CORO2B: variants seen among roughly 807,000 people sequenced by gnomAD.
CORO2B encodes coronin-2B.
In CORO2B, 26 loss-of-function variants were observed where a neutral mutation model predicts 58.8. The ratio of observed to expected loss-of-function variants is 0.44; its 90% confidence interval spans 0.32 to 0.61. The LOEUF (loss-of-function observed/expected upper bound fraction) is 0.61, where lower values mean the gene tolerates loss of function less well. CORO2B is among the 20% of genes least tolerant of loss of function. The probability of loss-of-function intolerance (pLI) is 0.04; values close to 1 mark genes in which losing one functional copy is unlikely to be tolerated. For synonymous variants in CORO2B, 242 were observed against 253.8 expected (o/e 0.95, Z 0.44); for missense variants, 460 against 645.1 (o/e 0.71, Z 3.11).
intron 1 of CORO2B, among the ~76,000 whole-genome samples, chr15:68,608,551 C>T (rs1900178542): frequency 6.6e-6 from 1 of 152,156 alleles, no homozygotes. Flanking sequence ...TGTTGGGGGA[C>T]ATTCTGTTTT....
chr15:68,702,169 G>A (rs77751090), intron 3 of CORO2B, among the ~76,000 whole-genome samples: 4,093 of 152,210 alleles, frequency 0.027, 191 homozygotes, highest in African/African-American at 0.094. Flanking sequence ...GAGGAGGAGG[G>A]TAGTCTGCCT....
rs137946864 is a variant in CORO2B at position 68,634,605 on chromosome 15, G to A, written c.16-10555G>A. Among the ~76,000 whole-genome samples the A allele has an allele frequency of 4.5e-3, 688 of 152,234 alleles. 23 individuals carry two copies. The highest frequency in any genetic ancestry group is 0.039 in the Admixed American group (590 of 15,286). ...CACTCAGGGACCAAAGTCTGGTTCC[G>A]GGACCAATAGCTTCAGCATCACCTG... is the stretch of plus-strand genomic sequence containing the variant. On this transcript the variant is annotated intron_variant, in intron 1 of 11. Coordinates refer to ENST00000261861, the MANE Select transcript of CORO2B (RefSeq NM_006091.5).
intron 1 of CORO2B, among the ~76,000 whole-genome samples, chr15:68,628,185 G>A (rs943781093): frequency 6.6e-6 from 1 of 152,232 alleles, no homozygotes; most frequent in East Asian, 1.9e-4. Context: ...TGCCTTCTAC[G>A]TGCCAAGCAC....
At chr15:68,662,440 A>G (rs571081064) in intron 2 of CORO2B, among the ~76,000 whole-genome samples, 1 of 152,336 alleles carries the variant, frequency 6.6e-6, no homozygotes, top group African/African-American at 2.4e-5. Flanking sequence ...TTTTTTTACA[A>G]TAGTCCTTAA....
chr15:68,712,646 A>G (rs1360018410), intron 5 of CORO2B, among the ~76,000 whole-genome samples: 1 of 152,170 alleles, frequency 6.6e-6, no homozygotes, highest in Non-Finnish European at 1.5e-5. Context: ...GCTTAGCATG[A>G]TTAGTGTTAA....
At chr15:68,719,579 C>A in intron 11 of CORO2B, 27 bp downstream of exon 11, 1 of 1,602,774 alleles carries the variant, frequency 6.2e-7, no homozygotes, top group Non-Finnish European at 8.5e-7. Context: ...ATTACCTCCA[C>A]AGGCCCTGGA....
the CORO2B span, among the ~76,000 whole-genome samples, chr15:68,550,675 G>A: frequency 1.3e-5 from 2 of 152,214 alleles, no homozygotes; most frequent in Non-Finnish European, 2.9e-5. Context: ...TACCCAGAAT[G>A]TCCAGCAGGT....
At chr15:68,666,938 C>T (rs1040922024) in intron 2 of CORO2B, among the ~76,000 whole-genome samples, 6 of 152,086 alleles carry the variant, frequency 3.9e-5, no homozygotes, top group Admixed American at 1.3e-4. Context: ...TGCCGCATGC[C>T]CTTGGGTGAG....
intron 5 of CORO2B, among the ~76,000 whole-genome samples, chr15:68,712,816 T>C (rs1418007126): frequency 6.6e-6 from 1 of 151,978 alleles, no homozygotes; most frequent in Non-Finnish European, 1.5e-5. Context: ...GAGACTCGAA[T>C]CTCACAGTTC....
chr15:68,606,739 G>T (rs1379216233), intron 1 of CORO2B, among the ~76,000 whole-genome samples: 1 of 151,956 alleles, frequency 6.6e-6, no homozygotes, highest in Non-Finnish European at 1.5e-5. Context: ...GAAAAATCCA[G>T]AGCATAACTG....
Position 68,719,662 on chromosome 15 carries a change from T to C in CORO2B, c.1311+110T>C, listed in dbSNP as rs532796643. The stretch of plus-strand genomic sequence containing the variant: ...AGTTCCATTCTGAGACATTTTTCTT[T>C]CTGTGACAAATGCCATAAGTAGCCT... On this transcript the variant is annotated intron_variant, in intron 11 of 11. Coordinates refer to ENST00000261861, the MANE Select transcript of CORO2B (RefSeq NM_006091.5). The C allele has an allele frequency of 5.2e-4, 666 of 1,282,482 alleles. 10 individuals are homozygous for C. In the South Asian group the frequency reaches 9.4e-3, roughly 18 times the overall value. The allele number at this position is 1,282,482 out of a possible 1,614,324, so 79.4% of individuals were successfully genotyped here.
the CORO2B span, among the ~76,000 whole-genome samples, chr15:68,522,984 C>T: frequency 6.6e-6 from 1 of 152,136 alleles, no homozygotes; most frequent in Non-Finnish European, 1.5e-5. Context: ...ATTCTATTCT[C>T]TGGCATGCAG....
chr15:68,558,590 G>A, the CORO2B span, among the ~76,000 whole-genome samples: 1 of 152,264 alleles, frequency 6.6e-6, no homozygotes, highest in South Asian at 2.1e-4. Context: ...TGCTCGGGCT[G>A]GTTTCAAATT....
the CORO2B span, among the ~76,000 whole-genome samples, chr15:68,530,361 T>C: frequency 6.6e-6 from 1 of 152,172 alleles, no homozygotes; most frequent in South Asian, 2.1e-4. Flanking sequence ...TATATATGTA[T>C]GCTGAAACTT....
At chr15:68,646,382 G>T (rs975594586) in intron 2 of CORO2B, among the ~76,000 whole-genome samples, 10 of 152,304 alleles carry the variant, frequency 6.6e-5, no homozygotes, top group Admixed American at 2.0e-4. Flanking sequence ...AATCGCTCAG[G>T]GGGAGGAAGA....
intron 1 of CORO2B, among the ~76,000 whole-genome samples, chr15:68,588,155 C>T (rs1899615191): frequency 6.6e-6 from 1 of 152,206 alleles, no homozygotes; most frequent in South Asian, 2.1e-4. Flanking sequence ...CTTTCCTCTT[C>T]CTCACCAGTA....
chr15:68,725,699 G>C, intron 11 of CORO2B, 144 bp from the exon 12 acceptor site: 1 of 1,014,852 alleles, frequency 9.9e-7, no homozygotes, highest in Non-Finnish European at 1.4e-6. Context: ...AATGCACCTG[G>C]GGAGAATAAA....
At chr15:68,677,028 C>G (rs944820690) in intron 2 of CORO2B, among the ~76,000 whole-genome samples, 1 of 152,194 alleles carries the variant, frequency 6.6e-6, no homozygotes, top group African/African-American at 2.4e-5. Context: ...CCCATTTCAG[C>G]CTCCCAAAAT....
chr15:68,651,947 C>G (rs759986247), intron 2 of CORO2B, among the ~76,000 whole-genome samples: 12 of 152,188 alleles, frequency 7.9e-5, no homozygotes, highest in Non-Finnish European at 1.6e-4. Context: ...AAACAACAAC[C>G]GCGAAGATGC....
Sources: gnomAD v4.1 joint callset for allele counts (sites outside exome capture counted in the v4.1 genomes callset) on GRCh38, gnomAD v4.1.1 for gene constraint, MANE v1.5 for transcripts, NCBI Gene and HGNC (gene_info 2026-07-23, HGNC 2026-07-21) for gene names.